Variants in MAP1B observed in about 807,000 individuals in gnomAD.
The protein encoded by MAP1B is microtubule associated protein 1B.
A neutral mutation model predicts 176.1 loss-of-function variants in MAP1B; 12 were observed. The ratio of observed to expected loss-of-function variants is 0.07; its 90% CI spans 0.04 to 0.11. The LOEUF (loss-of-function observed/expected upper bound fraction) is 0.11. Ranked by LOEUF, MAP1B falls within the 10% of genes least tolerant of loss-of-function variation. MAP1B has a pLI of 1.00. For missense variants in MAP1B, 2,523 were observed against 2,990.5 expected (o/e 0.84, Z 3.65); for synonymous variants, 1,044 against 1,135.0 (o/e 0.92, Z 1.61).
At chr5:72,181,171 T>C (rs1746757840) in intron 2 of MAP1B, among the ~76,000 whole-genome samples, 1 of 152,160 alleles carries the variant, frequency 6.6e-6, no homozygotes, top group African/African-American at 2.4e-5. Flanking sequence ...CTTCTGTCTG[T>C]GATGTGGGGT....
chr5:72,136,844 A>C (rs373253324), intron 2 of MAP1B, among the ~76,000 whole-genome samples: 2 of 152,198 alleles, frequency 1.3e-5, no homozygotes, highest in Non-Finnish European at 2.9e-5. Context: ...TGCTTAAATA[A>C]TATGTGAATT....
rs113052571 is a variant in MAP1B, at chr5:72,198,608, C to T, written c.5253C>T (p.Ser1751=). 9.7e-5 allele frequency: 156 copies of T among 1,614,116 alleles called. No individual in the cohort carries two copies. In the African/African-American group the frequency reaches 1.1e-3, roughly 11 times the overall value. The change falls in exon 5 of 7, where the codon TCC becomes TCT. Residue 1751 remains serine, a synonymous_variant. Transcript: ENST00000296755. ...CTCCTCTCCAAGAAGATACTCTATC[C>T]GATGTTGCTCCTCCCAGAGATATGT... The part of the protein sequence containing the change: ...IASPLQEDTL[S]DVAPPRDMSL...
At chr5:72,192,106 T>C (rs946530822) in intron 4 of MAP1B, among the ~76,000 whole-genome samples, 1 of 152,252 alleles carries the variant, frequency 6.6e-6, no homozygotes, top group African/African-American at 2.4e-5. Flanking sequence ...ATACAGCAGT[T>C]ATTCTAGATT....
chr5:72,196,767 A>G lies in MAP1B; in HGVS notation c.3412A>G (p.Thr1138Ala). 6.2e-7 allele frequency: 1 copy of G among 1,614,100 alleles called. No individual in the cohort carries two copies. Among genetic ancestry groups the G allele is most frequent in the Non-Finnish European group, 8.5e-7 (1 of 1,180,010 alleles). Reference sequence around the variant, plus strand: ...GCCCACCCCCATGGATGAGATGTCTACCCCTCGAGACGTGATGAGTGATGA... The same window carrying G: ...GCCCACCCCCATGGATGAGATGTCTGCCCCTCGAGACGTGATGAGTGATGA... Reference protein sequence around the residue: ...SEPTPMDEMSTPRDVMSDETN... With the variant: ...SEPTPMDEMSAPRDVMSDETN... The change falls in exon 5 of 7, where the codon ACC becomes GCC. Residue 1138 changes from threonine to alanine, a missense_variant. By Grantham distance (58) the Thr-to-Ala change is moderately conservative. Around this residue, in one of 4 missense-constraint regions of MAP1B, gnomAD observed 1,925 missense variants for 2,126.0 expected, o/e 0.91. Transcript: ENST00000296755. This position sits in a 1 kb window ranked among gnomAD's most constrained non-coding sequence, Gnocchi z 5.3.
At chr5:72,113,274 G>A (rs2112116728) in intron 1 of MAP1B, among the ~76,000 whole-genome samples, 1 of 152,256 alleles carries the variant, frequency 6.6e-6, no homozygotes, top group South Asian at 2.1e-4. Flanking sequence ...ATAAGTGGTA[G>A]TAGTGGTTGT....
chr5:72,133,761 G>A (rs1192258813), intron 2 of MAP1B, among the ~76,000 whole-genome samples: 2 of 152,206 alleles, frequency 1.3e-5, no homozygotes, highest in Admixed American at 6.5e-5. Flanking sequence ...AATAAGAAAT[G>A]TTGGTAAAGC....
intron 2 of MAP1B, among the ~76,000 whole-genome samples, chr5:72,130,653 A>G (rs970909449): frequency 3.3e-5 from 5 of 152,204 alleles, no homozygotes; most frequent in Non-Finnish European, 5.9e-5. Flanking sequence ...TCTGGTAAAG[A>G]GCCAGTGTCT....
At chr5:72,189,796 T>C (rs921431332) in intron 4 of MAP1B, among the ~76,000 whole-genome samples, 1 of 152,026 alleles carries the variant, frequency 6.6e-6, no homozygotes, top group Non-Finnish European at 1.5e-5. Context: ...CCTGGTCATG[T>C]TTTAGTGCCT....
chr5:72,127,455 C>T (rs141357233), intron 2 of MAP1B, among the ~76,000 whole-genome samples: 178 of 152,224 alleles, frequency 1.2e-3, no homozygotes, highest in African/African-American at 4.0e-3. Flanking sequence ...TCAATTTGTT[C>T]CATCCCTAAT....
At chr5:72,119,787 G>A (rs1020068725) in intron 2 of MAP1B, among the ~76,000 whole-genome samples, 2 of 152,170 alleles carry the variant, frequency 1.3e-5, no homozygotes, top group African/African-American at 4.8e-5. Context: ...GATTATAGGT[G>A]TGAGCCACTG....
intron 2 of MAP1B, among the ~76,000 whole-genome samples, chr5:72,121,801 G>A (rs1241195501): frequency 6.6e-6 from 1 of 152,206 alleles, no homozygotes; most frequent in Non-Finnish European, 1.5e-5. Flanking sequence ...TACATCAACT[G>A]CTCTATGACA....
chr5:72,146,860 G>A (rs2112160759), intron 2 of MAP1B, among the ~76,000 whole-genome samples: 1 of 152,210 alleles, frequency 6.6e-6, no homozygotes, highest in East Asian at 1.9e-4. Flanking sequence ...CCTCTTTCTG[G>A]GGCAACTGAA....
Position 72,195,392 on chromosome 5 carries a change from G to A in MAP1B, c.2037G>A (p.Glu679=), listed in dbSNP as rs1228720219. 1 of 1,560,548 alleles carries A rather than the reference G, an allele frequency of 6.4e-7. No homozygotes were observed. The highest frequency in any genetic ancestry group is 8.6e-7 in the Non-Finnish European group (1 of 1,157,848). The change falls in exon 5 of 7, where the codon GAG becomes GAA. Residue 679 remains glutamate (E), a synonymous_variant. Transcript: ENST00000296755. ...AGGAGGAAAAACCAAAAAAGGAAGA[G>A]GTGAAAAAAGAAGTCAAAAAAGAGA... The part of the protein sequence containing the change: ...IKKEEKPKKE[E]VKKEVKKEIK...
chr5:72,160,414 A>G (rs994080690), intron 2 of MAP1B, among the ~76,000 whole-genome samples: 2 of 152,116 alleles, frequency 1.3e-5, no homozygotes, highest in Non-Finnish European at 2.9e-5. Flanking sequence ...CTGTGTGACT[A>G]TTGTCTAGGA....
Position 72,107,591 on chromosome 5 carries a change from G to A in MAP1B, c.60G>A (p.Pro20=), listed in dbSNP as rs369326381. The A allele has an allele frequency of 2.3e-5, 37 of 1,593,866 alleles. No homozygotes were observed. The highest frequency in any genetic ancestry group is 1.5e-4 in the African/African-American group (11 of 74,718). Residue 20 remains proline (P), a synonymous_variant, in exon 1 of 7, where the codon CCG becomes CCA. Transcript: ENST00000296755. ...EPEPSGSIAN[P]AASTSPSLSH... is the part of the protein sequence containing the mutation. Reference sequence around the variant, plus strand: ...AGCCGTCCGGCAGCATCGCCAACCCGGCGGCGTCCACCTCGCCTAGCCTGT... The same window carrying A: ...AGCCGTCCGGCAGCATCGCCAACCCAGCGGCGTCCACCTCGCCTAGCCTGT...
At chr5:72,135,451 G>A (rs1201215828) in intron 2 of MAP1B, among the ~76,000 whole-genome samples, 3 of 152,132 alleles carry the variant, frequency 2.0e-5, no homozygotes, top group Admixed American at 6.5e-5. Context: ...GCAAGTACAG[G>A]TCAGGTAGCC....
Position 72,197,949 on chromosome 5 carries a change from A to G in MAP1B, c.4594A>G (p.Thr1532Ala). ...SEGTVSDKSA[T>A]PVDEGVAEDT... ...AGGTACTGTCTCAGACAAGTCAGCT[A>G]CTCCTGTTGATGAGGGCGTAGCAGA... The change falls in exon 5 of 7, where the codon ACT becomes GCT. Residue 1532 changes from threonine to alanine, a missense_variant. Transcript: ENST00000296755. 10 of 1,614,126 alleles carry G rather than the reference A, an allele frequency of 6.2e-6. No individual in the cohort carries two copies. Among genetic ancestry groups the G allele is most frequent in the Non-Finnish European group, 8.5e-6 (10 of 1,180,036 alleles).
intron 3 of MAP1B, among the ~76,000 whole-genome samples, chr5:72,185,359 C>T (rs1044982095): frequency 3.3e-5 from 5 of 152,146 alleles, no homozygotes; most frequent in African/African-American, 1.2e-4. Flanking sequence ...CTAACAGAAT[C>T]GGGAAGTAAT....
At chr5:72,127,853 A>G (rs1745657550) in intron 2 of MAP1B, among the ~76,000 whole-genome samples, 1 of 152,236 alleles carries the variant, frequency 6.6e-6, no homozygotes, top group South Asian at 2.1e-4. Flanking sequence ...TTTTACACAA[A>G]CACCTAAAAT....
Sources: allele counts gnomAD v4.1 joint callset (sites outside exome capture counted in the v4.1 genomes callset), GRCh38; gene constraint gnomAD v4.1.1; regional missense constraint gnomAD v4.1.1; non-coding constraint Gnocchi (gnomAD v3.1); transcripts MANE v1.5; gene names NCBI Gene and HGNC (gene_info 2026-07-23, HGNC 2026-07-21).